The following AGBL4 variants were observed in gnomAD, a reference collection of about 807,000 sequenced individuals.
The protein encoded by AGBL4 is cytosolic carboxypeptidase 6.
AGBL4 carries 58 observed loss-of-function variants against 66.4 expected under a neutral mutation model. That is an observed-to-expected ratio of 0.87 (90% CI 0.71 to 1.09). The LOEUF is 1.09. Among genes scored for constraint, AGBL4 ranks in the 50% least tolerant of loss-of-function variants. The probability of loss-of-function intolerance (pLI) is 0.00; values close to 1 mark genes in which losing one functional copy is unlikely to be tolerated. For missense variants in AGBL4, 579 were observed against 631.0 expected (o/e 0.92, Z 0.88); for synonymous variants, 234 against 222.9 (o/e 1.05, Z -0.44).
At chr1:49,572,303 G>A (rs79411382) in intron 3 of AGBL4, among the ~76,000 whole-genome samples, 8,081 of 152,192 alleles carry the variant, frequency 0.053, 241 homozygotes, top group African/African-American at 0.071. Flanking sequence ...TGAAGAGGCT[G>A]TCCATTTCTA....
intron 3 of AGBL4, among the ~76,000 whole-genome samples, chr1:49,610,759 T>C (rs1338566824): frequency 6.6e-6 from 1 of 152,160 alleles, no homozygotes; most frequent in African/African-American, 2.4e-5. Flanking sequence ...CCTCCAGAAC[T>C]GTGAGCGATA....
At chr1:49,727,336 G>C (rs960112940) in intron 2 of AGBL4, among the ~76,000 whole-genome samples, 3 of 151,728 alleles carry the variant, frequency 2.0e-5, no homozygotes, top group Non-Finnish European at 4.4e-5. Flanking sequence ...CACAAGACTG[G>C]GATATATATA....
intron 6 of AGBL4, among the ~76,000 whole-genome samples, chr1:48,698,295 A>G (rs1019084263): frequency 1.3e-5 from 2 of 152,254 alleles, no homozygotes; most frequent in African/African-American, 2.4e-5. Flanking sequence ...GGACAGGGAA[A>G]GGTGGTGATA....
chr1:49,258,575 A>G (rs899178074), intron 3 of AGBL4, among the ~76,000 whole-genome samples: 21 of 152,306 alleles, frequency 1.4e-4, no homozygotes, highest in African/African-American at 4.8e-4. Flanking sequence ...GATGAAATGA[A>G]TGAAATGAAG....
chr1:48,589,064 C>A (rs1387616398), intron 10 of AGBL4, among the ~76,000 whole-genome samples: 1 of 152,078 alleles, frequency 6.6e-6, no homozygotes, highest in Non-Finnish European at 1.5e-5. Flanking sequence ...CTAAGGAGGC[C>A]ACATTCTTTT....
chr1:49,045,828 G>T (rs750367642), intron 4 of AGBL4, 28 bp from the exon 5 acceptor site: 1 of 1,523,908 alleles, frequency 6.6e-7, no homozygotes, highest in Non-Finnish European at 8.9e-7. Context: ...AGAAATTTGG[G>T]CATATGAGAC....
chr1:49,607,211 C>T (rs1157027007), intron 3 of AGBL4, among the ~76,000 whole-genome samples: 1 of 152,108 alleles, frequency 6.6e-6, no homozygotes, highest in Admixed American at 6.6e-5. Flanking sequence ...TTCCTGTCAT[C>T]TGGCTGCCCC....
intron 6 of AGBL4, among the ~76,000 whole-genome samples, chr1:48,841,929 A>G (rs578160334): frequency 6.6e-6 from 1 of 152,334 alleles, no homozygotes; most frequent in African/African-American, 2.4e-5. Context: ...GCACATGCAA[A>G]TGACATGCAA....
intron 3 of AGBL4, among the ~76,000 whole-genome samples, chr1:49,604,163 T>C (rs543520423): frequency 1.4e-4 from 22 of 152,322 alleles, no homozygotes; most frequent in African/African-American, 5.3e-4. Flanking sequence ...ACTGTTTTCA[T>C]AGAGGCTGTA....
Position 48,608,700 on chromosome 1 carries a change from T to C in AGBL4, c.952-17715A>G, listed in dbSNP as rs1186194789. Among the ~76,000 whole-genome samples, 3 of 152,204 alleles carry C rather than the reference T, an allele frequency of 2.0e-5. No individual in the cohort carries two copies. In the South Asian group the frequency reaches 6.2e-4, roughly 32 times the overall value. On this transcript the variant is annotated intron_variant, in intron 9 of 13. Coordinates refer to ENST00000371839, the MANE Select transcript of AGBL4 (RefSeq NM_032785.4). The stretch of plus-strand genomic sequence containing the variant: ...AACAGAGGCTTCTATTCTAGCTTTT[T>C]GTGTACTTCTGCTACACTCTGATCC...
intron 3 of AGBL4, among the ~76,000 whole-genome samples, chr1:49,280,060 T>C (rs1644244564): frequency 6.6e-6 from 1 of 152,110 alleles, no homozygotes; most frequent in Non-Finnish European, 1.5e-5. Flanking sequence ...TTTCGAGATA[T>C]CTTTTCAGGA....
At chr1:49,707,109 C>G (rs1214388863) in intron 2 of AGBL4, among the ~76,000 whole-genome samples, 1 of 152,048 alleles carries the variant, frequency 6.6e-6, no homozygotes, top group African/African-American at 2.4e-5. Context: ...TATTAATTTT[C>G]TGTCTCGTTG....
chr1:48,808,854 A>G (rs1042130445), intron 6 of AGBL4, among the ~76,000 whole-genome samples: 3 of 152,238 alleles, frequency 2.0e-5, no homozygotes. Flanking sequence ...TGAGGTGAGG[A>G]CTAAGTGAAG....
chr1:48,950,848 CTCT>C (rs975788398), intron 5 of AGBL4, among the ~76,000 whole-genome samples: 3 of 152,156 alleles, frequency 2.0e-5, no homozygotes, highest in Non-Finnish European at 2.9e-5. Flanking sequence ...GTCCTTTACT[CTCT>C]TCTTCTTATT....
chr1:49,203,192 C>T (rs933289273), intron 4 of AGBL4, among the ~76,000 whole-genome samples: 2 of 151,652 alleles, frequency 1.3e-5, no homozygotes, highest in Admixed American at 6.6e-5. Context: ...ATGATATAGC[C>T]TCGATAGAAA....
chr1:48,762,527 G>A (rs1215573638), intron 6 of AGBL4, among the ~76,000 whole-genome samples: 1 of 152,038 alleles, frequency 6.6e-6, no homozygotes, highest in Non-Finnish European at 1.5e-5. Flanking sequence ...TCCCACTGGT[G>A]TATCCCAAAT....
intron 1 of AGBL4, among the ~76,000 whole-genome samples, chr1:49,986,153 A>G (rs1445633119): frequency 2.6e-5 from 4 of 152,214 alleles, no homozygotes; most frequent in Admixed American, 2.6e-4. Flanking sequence ...ACACATTTAT[A>G]TAACAATCAC....
intron 2 of AGBL4, among the ~76,000 whole-genome samples, chr1:49,748,622 C>T (rs1351538971): frequency 6.6e-6 from 1 of 152,156 alleles, no homozygotes; most frequent in Non-Finnish European, 1.5e-5. Context: ...TTTACACTCC[C>T]AATAGTGTAA....
At chr1:48,750,843 G>A (rs1051788550) in intron 6 of AGBL4, among the ~76,000 whole-genome samples, 11 of 152,148 alleles carry the variant, frequency 7.2e-5, no homozygotes, top group African/African-American at 4.8e-5. Context: ...GAGGCTAGAC[G>A]AGGTGAACTC....
Sources: gnomAD v4.1 joint callset for allele counts (sites outside exome capture counted in the v4.1 genomes callset) on GRCh38, gnomAD v4.1.1 for gene constraint, MANE v1.5 for transcripts, NCBI Gene and HGNC (gene_info 2026-07-23, HGNC 2026-07-21) for gene names.